KAZN: variants seen among roughly 807,000 people sequenced by gnomAD.
KAZN encodes the protein kazrin, periplakin interacting protein.
A neutral mutation model predicts 87.4 loss-of-function variants in KAZN; 40 were observed. The observed-to-expected ratio is 0.46, with a 90% CI of 0.36 to 0.60. KAZN has a LOEUF of 0.60. Ranked by LOEUF, KAZN falls within the 20% of genes least tolerant of loss-of-function variation. The pLI is 0.00. For synonymous variants in KAZN, 466 were observed against 458.3 expected (o/e 1.02, Z -0.22); for missense variants, 898 against 1,073.9 (o/e 0.84, Z 2.29).
At chr1:14,666,537 G>A (rs959390811) in intron 1 of KAZN, among the ~76,000 whole-genome samples, 12 of 152,162 alleles carry the variant, frequency 7.9e-5, no homozygotes, top group South Asian at 2.1e-4. Flanking sequence ...GCAGCAGAAC[G>A]TTACTGTGTC....
At chr1:14,999,473 G>A (rs1223743332) in intron 2 of KAZN, among the ~76,000 whole-genome samples, 4 of 149,166 alleles carry the variant, frequency 2.7e-5, no homozygotes, top group Admixed American at 2.6e-4. Flanking sequence ...TACCCAGTGC[G>A]TTCAGCCCCA....
At chr1:14,973,087 C>A (rs1219534903) in intron 2 of KAZN, among the ~76,000 whole-genome samples, 1 of 152,120 alleles carries the variant, frequency 6.6e-6, no homozygotes, top group Non-Finnish European at 1.5e-5. Flanking sequence ...GCTCCAAGAT[C>A]GTACAGCATG....
At chr1:14,258,115 G>A (rs954638855) in intron 2 of KAZN, among the ~76,000 whole-genome samples, 14 of 151,338 alleles carry the variant, frequency 9.3e-5, no homozygotes, top group South Asian at 4.2e-4. Context: ...CCTTCATCAC[G>A]GTAGATCACA....
chr1:14,685,213 G>T (rs534548049), intron 1 of KAZN, among the ~76,000 whole-genome samples: 29 of 152,230 alleles, frequency 1.9e-4, no homozygotes, highest in Non-Finnish European at 3.2e-4. Flanking sequence ...CCCACTGGGA[G>T]AATGGAGCTT....
intron 2 of KAZN, among the ~76,000 whole-genome samples, chr1:14,202,275 C>T (rs148247458): frequency 1.0e-3 from 153 of 152,328 alleles, no homozygotes; most frequent in African/African-American, 3.6e-3. Context: ...AGGAGACACA[C>T]GTGCGTTCTG....
At chr1:14,938,733 C>T (rs150506901) in intron 1 of KAZN, among the ~76,000 whole-genome samples, 12 of 152,126 alleles carry the variant, frequency 7.9e-5, no homozygotes, top group Middle Eastern at 3.4e-3. Context: ...GGATATCTGG[C>T]GACAGTTGGT....
chr1:14,024,712 G>C (rs1201233063), intron 1 of KAZN, among the ~76,000 whole-genome samples: 2 of 152,198 alleles, frequency 1.3e-5, no homozygotes, highest in Non-Finnish European at 2.9e-5. Context: ...CAAGGTGTGG[G>C]ATAAACCCAG....
intron 1 of KAZN, among the ~76,000 whole-genome samples, chr1:14,090,574 T>G (rs1643953333): frequency 6.6e-6 from 1 of 152,210 alleles, no homozygotes; most frequent in Non-Finnish European, 1.5e-5. Flanking sequence ...ATGCTCTTGT[T>G]TATTAACTCT....
chr1:14,615,294 G>A (rs1284715990), intron 1 of KAZN, among the ~76,000 whole-genome samples: 1 of 152,170 alleles, frequency 6.6e-6, no homozygotes, highest in Non-Finnish European at 1.5e-5. Context: ...CCAGAGACCT[G>A]GGTTCTAGCC....
At chr1:14,393,282 G>C (rs1557686426) in intron 2 of KAZN, among the ~76,000 whole-genome samples, 2 of 152,142 alleles carry the variant, frequency 1.3e-5, no homozygotes, top group African/African-American at 2.4e-5. Context: ...ACAAGTTTGA[G>C]AACGCTGAAG....
Position 15,114,673 on chromosome 1 carries a change from C to G in KAZN, c.*38C>G. 1 of 1,548,674 alleles carries G rather than the reference C, an allele frequency of 6.5e-7. No individual in the cohort carries two copies. Among genetic ancestry groups the G allele is most frequent in the Admixed American group, 2.0e-5 (1 of 50,054 alleles). ...TCCACCAGACCCAACGTGAGAGACCCAGGAAGGAAGAGAAGCCAGATGGCC... is the reference window on the plus strand; with the variant it reads ...TCCACCAGACCCAACGTGAGAGACCGAGGAAGGAAGAGAAGCCAGATGGCC... On this transcript the variant is annotated 3_prime_UTR_variant, in exon 15 of 15. Transcript: ENST00000376030.
chr1:15,112,698 TC>T, intron 14 of KAZN, 157 bp downstream of exon 14: 1 of 602,876 alleles, frequency 1.7e-6, no homozygotes, highest in Non-Finnish European at 3.0e-6. Context: ...GGATGTACCT[TC>T]AAGGAACCTT....
intron 2 of KAZN, among the ~76,000 whole-genome samples, chr1:14,593,534 A>G (rs923924016): frequency 6.6e-6 from 1 of 152,208 alleles, no homozygotes; most frequent in African/African-American, 2.4e-5. Context: ...AATCCAAGAC[A>G]AAGAAGAATA....
intron 1 of KAZN, among the ~76,000 whole-genome samples, chr1:14,936,347 C>T (rs921386694): frequency 2.6e-5 from 4 of 152,180 alleles, no homozygotes; most frequent in African/African-American, 9.7e-5. Context: ...TTGGTATCAT[C>T]GGTTGGTAGC....
At chr1:14,797,397 A>G (rs1360839375) in intron 1 of KAZN, among the ~76,000 whole-genome samples, 1 of 152,130 alleles carries the variant, frequency 6.6e-6, no homozygotes, top group African/African-American at 2.4e-5. Flanking sequence ...GTTTTGTCCA[A>G]GAAGCGCTAA....
At chr1:13,985,110 C>T (rs149928377) in intron 1 of KAZN, among the ~76,000 whole-genome samples, 2,800 of 152,094 alleles carry the variant, frequency 0.018, 50 homozygotes, top group South Asian at 0.068. Context: ...CTCTGTCGAT[C>T]TCAATGTCTT....
chr1:14,955,217 T>C (rs1378147785), intron 1 of KAZN, among the ~76,000 whole-genome samples: 1 of 152,216 alleles, frequency 6.6e-6, no homozygotes, highest in Admixed American at 6.5e-5. Context: ...AGAAATGTGG[T>C]TGGTCCCGTC....
At chr1:15,032,186 T>C (rs922453302) in intron 2 of KAZN, among the ~76,000 whole-genome samples, 6 of 120,444 alleles carry the variant, frequency 5.0e-5, no homozygotes, top group Non-Finnish European at 1.0e-4. Flanking sequence ...ATTTCTTTTT[T>C]TTTTTTTCTT....
chr1:14,321,263 T>A (rs1429734784), intron 2 of KAZN, among the ~76,000 whole-genome samples: 1 of 152,154 alleles, frequency 6.6e-6, no homozygotes, highest in Admixed American at 6.5e-5. Context: ...CATTTGTCTT[T>A]TTAAAAACTC....
Sources: allele counts gnomAD v4.1 joint callset (sites outside exome capture counted in the v4.1 genomes callset), GRCh38; gene constraint gnomAD v4.1.1; transcripts MANE v1.5; gene names NCBI Gene and HGNC (gene_info 2026-07-23, HGNC 2026-07-21).